Variants in CTNNBL1 observed in about 807,000 individuals in gnomAD.
CTNNBL1 encodes the protein beta-catenin-like protein 1.
A neutral mutation model predicts 72.7 loss-of-function variants in CTNNBL1; 31 were observed. The observed-to-expected ratio is 0.43, with a 90% CI of 0.32 to 0.58. The LOEUF (loss-of-function observed/expected upper bound fraction) is 0.58. Ranked by LOEUF, CTNNBL1 falls within the 20% of genes least tolerant of loss-of-function variation. The pLI, the probability that CTNNBL1 is intolerant of heterozygous loss-of-function variation, is 0.08. For synonymous variants in CTNNBL1, 240 were observed against 267.3 expected (o/e 0.90, Z 1.00); for missense variants, 534 against 725.1 (o/e 0.74, Z 3.03).
At chr20:37,853,937 A>G (rs941813678) in intron 13 of CTNNBL1, among the ~76,000 whole-genome samples, 2 of 152,238 alleles carry the variant, frequency 1.3e-5, no homozygotes, top group African/African-American at 4.8e-5. Context: ...GGCACTTCTA[A>G]AACTGTCAGG....
intron 2 of CTNNBL1, among the ~76,000 whole-genome samples, chr20:37,734,620 G>T (rs919110197): frequency 1.3e-5 from 2 of 152,190 alleles, no homozygotes; most frequent in African/African-American, 4.8e-5. Flanking sequence ...ACACATGGAA[G>T]GCTACAAGTC....
chr20:37,849,722 G>A (rs1029343061), intron 13 of CTNNBL1, among the ~76,000 whole-genome samples: 3 of 152,194 alleles, frequency 2.0e-5, no homozygotes, highest in Non-Finnish European at 4.4e-5. Context: ...TGTGCCCCAA[G>A]TGCACCCTTG....
chr20:37,704,857 T>G (rs946298592), intron 1 of CTNNBL1, among the ~76,000 whole-genome samples: 1 of 152,234 alleles, frequency 6.6e-6, no homozygotes, highest in Non-Finnish European at 1.5e-5. Flanking sequence ...TCCTACCTAG[T>G]TCAGCTTCCT....
chr20:37,845,783 T>C (rs753194310), intron 13 of CTNNBL1, among the ~76,000 whole-genome samples: 1 of 149,794 alleles, frequency 6.7e-6, no homozygotes, highest in Non-Finnish European at 1.5e-5. Context: ...TCGACTTGAA[T>C]TGAATGCTTA....
chr20:37,836,483 T>G (rs1462369384), intron 11 of CTNNBL1, among the ~76,000 whole-genome samples: 2 of 152,234 alleles, frequency 1.3e-5, no homozygotes, highest in Admixed American at 6.5e-5. Context: ...TCTGCCTTGT[T>G]GTTGGCTATG....
At chr20:37,853,553 T>G (rs946134357) in intron 13 of CTNNBL1, among the ~76,000 whole-genome samples, 31 of 152,312 alleles carry the variant, frequency 2.0e-4, no homozygotes, top group East Asian at 3.9e-4. Flanking sequence ...CAAGGAATCA[T>G]CTCGAGTCCT....
intron 15 of CTNNBL1, among the ~76,000 whole-genome samples, chr20:37,863,263 AGCCCAG>A (rs2072507432): frequency 6.6e-6 from 1 of 152,166 alleles, no homozygotes; most frequent in South Asian, 2.1e-4. Flanking sequence ...CCATAATCCA[AGCCCAG>A]TGAAATGCAC....
chr20:37,843,292 G>T (rs1221053556), intron 13 of CTNNBL1, among the ~76,000 whole-genome samples: 1 of 152,120 alleles, frequency 6.6e-6, no homozygotes, highest in Admixed American at 6.5e-5. Context: ...ATCCTTTTCA[G>T]TCTTTTCTTA....
intron 3 of CTNNBL1, among the ~76,000 whole-genome samples, chr20:37,739,334 T>C (rs913288769): frequency 2.0e-5 from 3 of 152,208 alleles, no homozygotes; most frequent in Non-Finnish European, 2.9e-5. Context: ...ATCTAACAGA[T>C]CTGTCCAGGT....
At chr20:37,768,998 C>T (rs776828518) in intron 7 of CTNNBL1, among the ~76,000 whole-genome samples, 7 of 152,168 alleles carry the variant, frequency 4.6e-5, no homozygotes, top group Admixed American at 6.5e-5. Flanking sequence ...AGGCTAGTCT[C>T]GAACTCCTGA....
intron 3 of CTNNBL1, among the ~76,000 whole-genome samples, chr20:37,743,079 C>G (rs746251669): frequency 3.3e-5 from 5 of 152,094 alleles, no homozygotes; most frequent in Non-Finnish European, 7.4e-5. Context: ...GCTGGGATTA[C>G]AGGCATGAGC....
Position 37,862,415 on chromosome 20 carries a change from G to A in CTNNBL1, c.1603+2071G>A, listed in dbSNP as rs2072498718. Among the ~76,000 whole-genome samples, 4 of 152,198 alleles carry A rather than the reference G, an allele frequency of 2.6e-5. No individual in the cohort carries two copies. In the South Asian group the frequency reaches 8.3e-4, roughly 32 times the overall value. Reference sequence around the variant, plus strand: ...CAAGAAAGGAAAAGTATTTTTAATGGGTGCTGACATGTAGTAGTAGTAGTT... The same window carrying A: ...CAAGAAAGGAAAAGTATTTTTAATGAGTGCTGACATGTAGTAGTAGTAGTT... On this transcript the variant is annotated intron_variant, in intron 15 of 15. Coordinates refer to ENST00000361383, the MANE Select transcript of CTNNBL1 (RefSeq NM_030877.5).
At chr20:37,814,583 A>G (rs939615814) in intron 11 of CTNNBL1, among the ~76,000 whole-genome samples, 3 of 152,186 alleles carry the variant, frequency 2.0e-5, no homozygotes, top group Non-Finnish European at 2.9e-5. Flanking sequence ...TGAGAATGAG[A>G]CATAAATATG....
chr20:37,797,992 A>G (rs1410974006), intron 10 of CTNNBL1, among the ~76,000 whole-genome samples: 1 of 152,010 alleles, frequency 6.6e-6, no homozygotes, highest in Non-Finnish European at 1.5e-5. Flanking sequence ...GTCCTCCCTG[A>G]CTCAGACATG....
At chr20:37,865,606 T>C (rs1017135765) in intron 15 of CTNNBL1, among the ~76,000 whole-genome samples, 3 of 152,200 alleles carry the variant, frequency 2.0e-5, no homozygotes, top group African/African-American at 7.2e-5. Context: ...TGGGCATTGT[T>C]GAGCAGTCAT....
chr20:37,748,362 T>A (rs2122628315), intron 4 of CTNNBL1, among the ~76,000 whole-genome samples: 1 of 152,314 alleles, frequency 6.6e-6, no homozygotes, highest in African/African-American at 2.4e-5. Context: ...ATTTATGACT[T>A]TGTTCACCAG....
intron 1 of CTNNBL1, among the ~76,000 whole-genome samples, chr20:37,720,395 G>A (rs2073029767): frequency 6.6e-6 from 1 of 152,092 alleles, no homozygotes; most frequent in Admixed American, 6.6e-5. Flanking sequence ...CTAGGCTATT[G>A]CAATCCTCTT....
At chr20:37,719,972 C>T (rs1242539892) in intron 1 of CTNNBL1, among the ~76,000 whole-genome samples, 2 of 151,298 alleles carry the variant, frequency 1.3e-5, no homozygotes, top group Non-Finnish European at 2.9e-5. Context: ...TTCTGAGTAG[C>T]TGGGACTACA....
At chr20:37,705,581 A>G (rs908607631) in intron 1 of CTNNBL1, among the ~76,000 whole-genome samples, 2 of 152,234 alleles carry the variant, frequency 1.3e-5, no homozygotes, top group African/African-American at 4.8e-5. Flanking sequence ...TTACCCACAC[A>G]TGCTACAGTA....
Sources: allele counts gnomAD v4.1 joint callset (sites outside exome capture counted in the v4.1 genomes callset), GRCh38; gene constraint gnomAD v4.1.1; transcripts MANE v1.5; gene names NCBI Gene and HGNC (gene_info 2026-07-23, HGNC 2026-07-21).